The following VPS50 variants were observed in gnomAD, a reference collection of about 807,000 sequenced individuals.
VPS50 encodes VPS50 subunit of EARP/GARPII complex.
In VPS50, 70 loss-of-function variants were observed where a neutral mutation model predicts 139.7. That is an observed-to-expected ratio of 0.50 (90% CI 0.41 to 0.61). The LOEUF is 0.61. VPS50 is among the 20% of genes least tolerant of loss of function. The probability of loss-of-function intolerance (pLI) is 0.00; values close to 1 mark genes in which losing one functional copy is unlikely to be tolerated. For missense variants in VPS50, 921 were observed against 1,133.7 expected (o/e 0.81, Z 2.69); for synonymous variants, 365 against 376.7 (o/e 0.97, Z 0.36).
intron 12 of VPS50, among the ~76,000 whole-genome samples, chr7:93,286,287 A>G (rs1187206021): frequency 1.3e-5 from 2 of 152,050 alleles, no homozygotes; most frequent in Non-Finnish European, 2.9e-5. Flanking sequence ...TTTCATTGCT[A>G]TTTTCCATAT....
In VPS50 at chr7:93,358,297, G is replaced by A. The variant is rs755057509; in HGVS notation, c.2776-20G>A. 3.1e-6 allele frequency: 5 copies of A among 1,611,544 alleles called. No homozygotes were observed. Among genetic ancestry groups the A allele is most frequent in the South Asian group, 2.2e-5 (2 of 90,964 alleles). On this transcript the variant is annotated intron_variant, in intron 27 of 27. Coordinates refer to ENST00000305866, the MANE Select transcript of VPS50 (RefSeq NM_017667.4). ...CATTCCTTTTAGGGTACTAAATTTG[G>A]ATCTTTCTTCTTTGAGCAGGAATAT... is the stretch of plus-strand genomic sequence containing the variant.
rs1244592699 is a variant in VPS50 at position 93,329,055 on chromosome 7, A to G, written c.1978-5062A>G. On this transcript the variant is annotated intron_variant, in intron 21 of 27. Transcript: ENST00000305866. ...GGGAGAAAAATGACTAGTATCCAGAATCTCCAGAATGAAATTGGTGATGTA... is the reference window on the plus strand; with the variant it reads ...GGGAGAAAAATGACTAGTATCCAGAGTCTCCAGAATGAAATTGGTGATGTA... Among the ~76,000 whole-genome samples, 3 of 152,224 alleles carry G rather than the reference A, an allele frequency of 2.0e-5. No individual in the cohort carries two copies. In the East Asian group the frequency reaches 5.8e-4, roughly 29 times the overall value.
rs1418950942 is a variant in VPS50, at chr7:93,359,058, ATGCAGATGTCATGAACTATAG to A, written c.*628_*648del. 1 of 152,168 alleles carries A rather than the reference ATGCAGATGTCATGAACTATAG, an allele frequency of 6.6e-6. No homozygotes were observed. The highest frequency in any genetic ancestry group is 1.5e-5 in the Non-Finnish European group (1 of 68,048). The allele number at this position is 152,168 out of a possible 1,614,324, so 9.4% of individuals were successfully genotyped here. A position where few individuals can be genotyped will look rare whatever the true frequency, so the allele number is the denominator to read the frequency against. On this transcript the variant is annotated 3_prime_UTR_variant, in exon 28 of 28. Transcript: ENST00000305866. ...ACTACATTTTGATTTTTTGTGTGGC[ATGCAGATGTCATGAACTATAG>A]TGCAGCTTTTAGTGTGTTCTAATTT...
In VPS50 at chr7:93,341,708, G is replaced by GTA. The variant is rs1401233524; in HGVS notation, c.2207+137_2207+138dup. On this transcript the variant is annotated intron_variant, in intron 23 of 27. Transcript: ENST00000305866. The stretch of plus-strand genomic sequence containing the variant: ...AATATCACTTATATGTTTCTGAGAA[G>GTA]TATATTCTAACACAGATTACCAATT... 1.1e-5 allele frequency: 6 copies of GTA among 557,938 alleles called. No individual in the cohort carries two copies. The African/African-American group carries it at 1.2e-4, about 11-fold the overall frequency. The allele number at this position is 557,938 out of a possible 1,614,324, so 34.6% of individuals were successfully genotyped here.
intron 12 of VPS50, among the ~76,000 whole-genome samples, chr7:93,276,715 T>C (rs1022201211): frequency 2.0e-5 from 3 of 152,222 alleles, no homozygotes; most frequent in African/African-American, 4.8e-5. Flanking sequence ...TTTTTCTTTT[T>C]CTTTTTAAAG....
At chr7:93,263,989 G>A (rs537176295) in intron 9 of VPS50, among the ~76,000 whole-genome samples, 2 of 152,154 alleles carry the variant, frequency 1.3e-5, no homozygotes, top group Non-Finnish European at 2.9e-5. Context: ...ATGATTTAAA[G>A]TATAAGGAGG....
intron 23 of VPS50, among the ~76,000 whole-genome samples, chr7:93,342,501 CT>C (rs1319894759): frequency 6.6e-6 from 1 of 152,204 alleles, no homozygotes; most frequent in African/African-American, 2.4e-5. Context: ...CTGCCTGCCT[CT>C]GTAGGCTCCA....
At chr7:93,289,197 G>A (rs190057352) in intron 12 of VPS50, among the ~76,000 whole-genome samples, 1 of 152,074 alleles carries the variant, frequency 6.6e-6, no homozygotes, top group Non-Finnish European at 1.5e-5. Flanking sequence ...ATTGAGATTG[G>A]TGAGAATCTT....
rs761617820 is a variant in VPS50, at chr7:93,291,750, A to G, written c.990A>G (p.Lys330=). ...TTCCATGCCTTGCAGACCTGTGCAA[A>G]GCACTATGGGAAGTTATGCTCAGCT... ...SYIPCLADLC[K]ALWEVMLSYY... is the part of the protein sequence containing the mutation. The change falls in exon 13 of 28, where the codon AAA becomes AAG. Residue 330 remains lysine (K), a synonymous_variant. Coordinates refer to ENST00000305866, the MANE Select transcript of VPS50 (RefSeq NM_017667.4). The G allele has an allele frequency of 6.3e-7, 1 of 1,596,536 alleles. No homozygotes were observed. The highest frequency in any genetic ancestry group is 8.6e-7 in the Non-Finnish European group (1 of 1,165,946).
chr7:93,305,729 T>A, intron 17 of VPS50, 99 bp from the exon 18 acceptor site: 2 of 826,986 alleles, frequency 2.4e-6, no homozygotes, highest in Non-Finnish European at 4.0e-6. Context: ...ATCAAGATGT[T>A]GTTTTTCTAC....
At chr7:93,250,553 T>A (rs1156989945) in intron 2 of VPS50, among the ~76,000 whole-genome samples, 1 of 152,118 alleles carries the variant, frequency 6.6e-6, no homozygotes, top group South Asian at 2.1e-4. Context: ...CCAAGATGGA[T>A]TAAAGACTTA....
At chr7:93,303,232 A>G (rs1797029271) in intron 16 of VPS50, among the ~76,000 whole-genome samples, 2 of 151,732 alleles carry the variant, frequency 1.3e-5, no homozygotes, top group South Asian at 4.1e-4. Flanking sequence ...TAGTAAAAAT[A>G]CTTAGTTTAG....
rs1348308909 is a variant in VPS50 at position 93,303,038 on chromosome 7, A to G, written c.1362-422A>G. Among the ~76,000 whole-genome samples, 4 of 152,030 alleles carry G rather than the reference A, an allele frequency of 2.6e-5. No homozygotes were observed. In the East Asian group the frequency reaches 7.7e-4, roughly 29 times the overall value. On this transcript the variant is annotated intron_variant, in intron 16 of 27. Transcript: ENST00000305866. The stretch of plus-strand genomic sequence containing the variant: ...ATTGTGGCTTCACTAGGTATGGTTC[A>G]GACCTGTGCTGTTTAACATAATATG...
chr7:93,275,481 A>G (rs1460995535), intron 11 of VPS50, among the ~76,000 whole-genome samples: 5 of 152,166 alleles, frequency 3.3e-5, no homozygotes, highest in Admixed American at 2.0e-4. Context: ...TCGACCAGAA[A>G]AAAGATCGAC....
chr7:93,326,575 G>GA (rs1479850121), intron 21 of VPS50, among the ~76,000 whole-genome samples: 1 of 151,622 alleles, frequency 6.6e-6, no homozygotes, highest in African/African-American at 2.4e-5. Flanking sequence ...ACCTGCCGTA[G>GA]AATTAATGTT....
At chr7:93,343,456 A>G (rs1312449580) in intron 23 of VPS50, among the ~76,000 whole-genome samples, 1 of 152,176 alleles carries the variant, frequency 6.6e-6, no homozygotes, top group East Asian at 1.9e-4. Flanking sequence ...AGGCAGGCCA[A>G]CGTTCAGATT....
chr7:93,250,345 C>G (rs917961032), intron 2 of VPS50, among the ~76,000 whole-genome samples: 1 of 151,904 alleles, frequency 6.6e-6, no homozygotes, highest in African/African-American at 2.4e-5. Flanking sequence ...GCTCTTCTTA[C>G]AAATAAAAAA....
At position 93,349,952 on chromosome 7, in the gene VPS50, G is replaced by T; in HGVS notation, c.2382G>T (p.Met794Ile). The change falls in exon 25 of 28, where the codon ATG becomes ATT. Residue 794 changes from methionine to isoleucine, a missense_variant. Met to Ile is a conservative substitution (Grantham distance 10, BLOSUM62 1). Transcript: ENST00000305866. ...GTAAAGCCCTTGATTATGAACAGAT[G>T]CTGCTTCTCATGGCTAATGTGAAAT... ...VAGKALDYEQ[M>I]LLLMANVKWD... 1 of 1,612,746 alleles carries T rather than the reference G, an allele frequency of 6.2e-7. No homozygotes were observed. The highest frequency in any genetic ancestry group is 1.1e-5 in the South Asian group (1 of 91,032).
intron 21 of VPS50, among the ~76,000 whole-genome samples, chr7:93,329,301 T>C (rs566947747): frequency 3.3e-5 from 5 of 151,920 alleles, no homozygotes; most frequent in Non-Finnish European, 7.4e-5. Flanking sequence ...AAAAATACAA[T>C]TTCAAAAAAC....
Sources: allele counts gnomAD v4.1 joint callset (sites outside exome capture counted in the v4.1 genomes callset), GRCh38; gene constraint gnomAD v4.1.1; transcripts MANE v1.5; gene names NCBI Gene and HGNC (gene_info 2026-07-23, HGNC 2026-07-21).